The following SH3RF3 variants were observed in gnomAD, a reference collection of about 807,000 sequenced individuals.
The protein encoded by SH3RF3 is SH3 domain containing ring finger 3, also known as E3 ubiquitin-protein ligase SH3RF3.
Under a neutral mutation model 66.3 loss-of-function variants are expected in SH3RF3, and 29 were observed. The observed-to-expected ratio is 0.44, with a 90% CI of 0.33 to 0.60. SH3RF3 has a LOEUF of 0.60. Ranked by LOEUF, SH3RF3 falls within the 20% of genes least tolerant of loss-of-function variation. The probability of loss-of-function intolerance (pLI) is 0.04; values close to 1 mark genes in which losing one functional copy is unlikely to be tolerated. For synonymous variants in SH3RF3, 583 were observed against 532.0 expected (o/e 1.10, Z -1.32); for missense variants, 1,194 against 1,190.9 (o/e 1.00, Z -0.04).
intron 1 of SH3RF3, among the ~76,000 whole-genome samples, chr2:109,184,228 GT>G (rs1394746498): frequency 1.3e-5 from 2 of 152,190 alleles, no homozygotes; most frequent in Non-Finnish European, 2.9e-5. Context: ...TCCCTTGGGA[GT>G]TCTGGGAGCT....
chr2:109,474,473 C>T (rs752637302), intron 8 of SH3RF3, among the ~76,000 whole-genome samples: 4 of 152,180 alleles, frequency 2.6e-5, no homozygotes, highest in Non-Finnish European at 5.9e-5. Context: ...TGGTCCAGAG[C>T]AGGCCATGAT....
intron 1 of SH3RF3, among the ~76,000 whole-genome samples, chr2:109,261,854 C>CT (rs1163936986): frequency 4.7e-4 from 70 of 149,582 alleles, no homozygotes; most frequent in Middle Eastern, 3.5e-3. Context: ...TGAGGCTTGC[C>CT]TTTTTTTTTT....
chr2:109,130,064 C>T lies in SH3RF3; in HGVS notation c.524C>T (p.Ala175Val). The T allele has an allele frequency of 7.3e-7, 1 of 1,368,784 alleles. No individual in the cohort carries two copies. Among genetic ancestry groups the T allele is most frequent in the Non-Finnish European group, 9.4e-7 (1 of 1,062,282 alleles). The allele number at this position is 1,368,784 out of a possible 1,614,324, so 84.8% of individuals were successfully genotyped here. A position where few individuals can be genotyped will look rare whatever the true frequency, so the allele number is the denominator to read the frequency against. The change falls in exon 1 of 10, where the codon GCC (alanine) becomes GTC (valine). Residue 175 changes from alanine to valine, a missense_variant. Transcript: ENST00000309415. Reference sequence around the variant, plus strand: ...CTCTCCGCGGCCGCGGGCAGCACCGCCGGCAGTCTGCGGGAGCTGGCGACC... The same window carrying T: ...CTCTCCGCGGCCGCGGGCAGCACCGTCGGCAGTCTGCGGGAGCTGGCGACC... ...VFLSAAAGST[A>V]GSLRELATSR... is the part of the protein sequence containing the mutation.
At chr2:109,376,844 GGGC>G (rs1421014750) in intron 3 of SH3RF3, among the ~76,000 whole-genome samples, 6 of 152,230 alleles carry the variant, frequency 3.9e-5, no homozygotes, top group Non-Finnish European at 1.5e-5. Flanking sequence ...TGACAGTAAA[GGGC>G]GGGGAGGAAG....
intron 1 of SH3RF3, among the ~76,000 whole-genome samples, chr2:109,345,888 T>C (rs6754115): frequency 0.69 from 105,303 of 152,102 alleles, 37,647 homozygotes; most frequent in East Asian, 0.89. Flanking sequence ...GTGTCCCTGG[T>C]CTTTACTTGT....
intron 8 of SH3RF3, among the ~76,000 whole-genome samples, chr2:109,464,434 C>T (rs1432842211): frequency 6.6e-6 from 1 of 152,132 alleles, no homozygotes; most frequent in African/African-American, 2.4e-5. Context: ...CATGTACACA[C>T]ATTCGCGTAC....
intron 1 of SH3RF3, among the ~76,000 whole-genome samples, chr2:109,135,574 C>T (rs1379363521): frequency 6.6e-6 from 1 of 152,204 alleles, no homozygotes; most frequent in Non-Finnish European, 1.5e-5. Context: ...TGAGGCACAC[C>T]TCAGAGTGCC....
intron 1 of SH3RF3, among the ~76,000 whole-genome samples, chr2:109,304,036 G>A (rs183994068): frequency 1.6e-3 from 249 of 152,034 alleles, no homozygotes; most frequent in African/African-American, 5.5e-3. Flanking sequence ...GGAAAGCAGA[G>A]GTTGCAGTGA....
intron 6 of SH3RF3, among the ~76,000 whole-genome samples, chr2:109,435,367 A>C (rs1231302363): frequency 6.6e-6 from 1 of 152,234 alleles, no homozygotes; most frequent in Non-Finnish European, 1.5e-5. Context: ...CAATTGCCAA[A>C]GCCACACAGC....
At chr2:109,371,901 T>C (rs1295389039) in intron 3 of SH3RF3, among the ~76,000 whole-genome samples, 1 of 152,230 alleles carries the variant, frequency 6.6e-6, no homozygotes, top group Non-Finnish European at 1.5e-5. Context: ...GTCCCAGGCC[T>C]GGCTGCAAGT....
At chr2:109,140,571 C>T (rs896679561) in intron 1 of SH3RF3, among the ~76,000 whole-genome samples, 5 of 151,784 alleles carry the variant, frequency 3.3e-5, no homozygotes, top group Admixed American at 6.6e-5. Flanking sequence ...TTAGTAGAGA[C>T]GGGGTTTCAC....
intron 7 of SH3RF3, among the ~76,000 whole-genome samples, chr2:109,443,650 TAAA>T (rs746002085): frequency 6.6e-6 from 1 of 152,232 alleles, no homozygotes; most frequent in African/African-American, 2.4e-5. Context: ...TTATTAGAGA[TAAA>T]AAGGCAATTT....
At chr2:109,357,965 A>G (rs1682984855) in intron 2 of SH3RF3, among the ~76,000 whole-genome samples, 1 of 152,188 alleles carries the variant, frequency 6.6e-6, no homozygotes, top group Non-Finnish European at 1.5e-5. Context: ...TGCAGAGTCT[A>G]CTGATGGAGA....
chr2:109,387,399 A>G (rs1675851543), intron 3 of SH3RF3, among the ~76,000 whole-genome samples: 1 of 152,164 alleles, frequency 6.6e-6, no homozygotes, highest in African/African-American at 2.4e-5. Context: ...CTTCAGCACT[A>G]GTTGACCCCA....
At chr2:109,187,879 G>A (rs944754546) in intron 1 of SH3RF3, among the ~76,000 whole-genome samples, 1 of 152,110 alleles carries the variant, frequency 6.6e-6, no homozygotes, top group African/African-American at 2.4e-5. Context: ...TCTTCCTGCC[G>A]CCGTCACCGT....
chr2:109,414,372 T>A (rs1230548058), intron 4 of SH3RF3, among the ~76,000 whole-genome samples: 1 of 152,200 alleles, frequency 6.6e-6, no homozygotes, highest in South Asian at 2.1e-4. Flanking sequence ...CTCCACTGCT[T>A]GATTTCTATA....
chr2:109,340,253 A>G (rs1471454284), intron 1 of SH3RF3, among the ~76,000 whole-genome samples: 1 of 152,128 alleles, frequency 6.6e-6, no homozygotes, highest in Non-Finnish European at 1.5e-5. Flanking sequence ...CCTATCGGTA[A>G]AGTGCAGATA....
rs536129806 is a variant in SH3RF3, at chr2:109,212,740, G to A, written c.573+82627G>A. Among the ~76,000 whole-genome samples the A allele has an allele frequency of 5.9e-5, 9 of 152,226 alleles. No individual in the cohort carries two copies. The East Asian group carries it at 7.7e-4, about 13-fold the overall frequency. ...ATAAAGACCCATTCTCTCTTTGCCCGTGGCCCAAAGCAGCCTTCTCCCCCA... is the reference window on the plus strand; with the variant it reads ...ATAAAGACCCATTCTCTCTTTGCCCATGGCCCAAAGCAGCCTTCTCCCCCA... On this transcript the variant is annotated intron_variant, in intron 1 of 9. Transcript: ENST00000309415.
chr2:109,162,356 C>T (rs1677508599), intron 1 of SH3RF3, among the ~76,000 whole-genome samples: 1 of 152,164 alleles, frequency 6.6e-6, no homozygotes, highest in Non-Finnish European at 1.5e-5. Flanking sequence ...AGAGCCGGGC[C>T]TCTCTCATTT....
Sources: gnomAD v4.1 joint callset for allele counts (sites outside exome capture counted in the v4.1 genomes callset) on GRCh38, gnomAD v4.1.1 for gene constraint, MANE v1.5 for transcripts, NCBI Gene and HGNC (gene_info 2026-07-23, HGNC 2026-07-21) for gene names.